Variants in ZNF34 observed in about 807,000 individuals in gnomAD.
The protein encoded by ZNF34 is zinc finger protein 34, also known as zinc finger protein 34 (KOX 32).
A neutral mutation model predicts 14.4 loss-of-function variants in ZNF34; 8 were observed. The observed-to-expected ratio is 0.55, with a 90% CI of 0.33 to 1.00. ZNF34 has a LOEUF of 1.00. Ranked by LOEUF, ZNF34 falls within the 50% of genes least tolerant of loss-of-function variation. The pLI is 0.03. For synonymous variants in ZNF34, 235 were observed against 247.9 expected, an observed-to-expected ratio of 0.95 and a Z score of 0.49; for missense variants, 538 against 674.2, an observed-to-expected ratio of 0.80 and a Z score of 2.24.
chr8:144,783,190 A>G (rs1826008532), intron 1 of ZNF34, among the ~76,000 whole-genome samples: 3 of 152,134 alleles, frequency 2.0e-5, no homozygotes, highest in Admixed American at 2.0e-4. Flanking sequence ...CTGAGGTGGG[A>G]GGATCACTTG....
chr8:144,773,694 A>G lies in ZNF34; in HGVS notation c.1192T>C (p.Tyr398His), dbSNP rs757184783. ...HQRIHTGEKPYKCNECEKAFI... is the reference protein window; with the variant it reads ...HQRIHTGEKPHKCNECEKAFI... ...GCTTTCTCACATTCATTACATTTAT[A>G]GGGTTTCTCTCCAGTGTGAATTCTC... The change falls in exon 6 of 6, where the codon TAT (tyrosine) becomes CAT (histidine). Residue 398 changes from tyrosine (Y) to histidine (H), a missense_variant. This residue lies in a region of ZNF34 where 431 missense variants were observed against 525.7 expected (regional missense o/e 0.82). Transcript: ENST00000429371. This position sits in a 1 kb window ranked among gnomAD's most constrained non-coding sequence, Gnocchi z 5.4. 1.2e-6 allele frequency: 2 copies of G among 1,613,824 alleles called. No individual in the cohort carries two copies. The highest frequency in any genetic ancestry group is 1.7e-6 in the Non-Finnish European group (2 of 1,179,946).
Position 144,780,268 on chromosome 8 carries a change from G to C in ZNF34, c.-95C>G. On this transcript the variant is annotated 5_prime_UTR_variant, in exon 2 of 6. Coordinates refer to ENST00000429371, the MANE Select transcript of ZNF34 (RefSeq NM_001286769.2). ...GACTCTCGGATTAGATACATGTGAT[G>C]CAACTATTTGGCCTAAAATAAAATA... 1 of 1,549,958 alleles carries C rather than the reference G, an allele frequency of 6.5e-7. No individual in the cohort carries two copies. Among genetic ancestry groups the C allele is most frequent in the Non-Finnish European group, 8.7e-7 (1 of 1,145,678 alleles).
Position 144,774,154 on chromosome 8 carries a change from G to A in ZNF34, c.732C>T (p.Asn244=), listed in dbSNP as rs761839299. Reference sequence around the variant, plus strand: ...TGTGAAGCCGCTGATGCTTGACAAGGTTGGCACTGTACCTGAATGTTTTCC... The same window carrying A: ...TGTGAAGCCGCTGATGCTTGACAAGATTGGCACTGTACCTGAATGTTTTCC... The part of the protein sequence containing the change: ...YCGKTFRYSA[N]LVKHQRLHTE... The change falls in exon 6 of 6, where the codon AAC becomes AAT. Residue 244 remains asparagine (N), a synonymous_variant. Coordinates refer to ENST00000429371, the MANE Select transcript of ZNF34 (RefSeq NM_001286769.2). 1 of 1,614,018 alleles carries A rather than the reference G, an allele frequency of 6.2e-7. No homozygotes were observed. The highest frequency in any genetic ancestry group is 8.5e-7 in the Non-Finnish European group (1 of 1,179,922).
rs1181288655 is a variant in ZNF34 at position 144,774,466 on chromosome 8, C to T, written c.420G>A (p.Gln140=). 6.2e-7 allele frequency: 1 copy of T among 1,613,894 alleles called. No homozygotes were observed. Among genetic ancestry groups the T allele is most frequent in the African/African-American group, 1.3e-5 (1 of 74,932 alleles). The change falls in exon 6 of 6, where the codon CAG becomes CAA. Residue 140 remains glutamine, a synonymous_variant. Transcript: ENST00000429371. ...TCAGTGTGACTGCCCTGGGGCCTCTCTGCTCCACTAGCTTTTCCAGGCTCC... is the reference window on the plus strand; with the variant it reads ...TCAGTGTGACTGCCCTGGGGCCTCTTTGCTCCACTAGCTTTTCCAGGCTCC... The part of the protein sequence containing the change: ...SEGSLEKLVE[Q]RGPRAVTLTN...
intron 1 of ZNF34, among the ~76,000 whole-genome samples, chr8:144,785,106 CAAAA>C (rs749277788): frequency 8.0e-5 from 4 of 50,072 alleles, no homozygotes; most frequent in Non-Finnish European, 1.2e-4. Context: ...CAGACCCTGC[CAAAA>C]AAAAAAAAAA....
chr8:144,777,345 T>G lies in ZNF34; in HGVS notation c.280+113A>C, dbSNP rs1825584767. ...GCAAAGGCCACTGTCAGGCCTCCTG[T>G]GCTAGCCCCGATGAATCTGGCCCAC... On this transcript the variant is annotated intron_variant, in intron 5 of 5. Transcript: ENST00000429371. The surrounding 1 kb of genome is among the most constrained non-coding windows in gnomAD (Gnocchi z 4.8). 1.4e-6 allele frequency: 2 copies of G among 1,417,002 alleles called. No individual in the cohort carries two copies. Among genetic ancestry groups the G allele is most frequent in the Admixed American group, 4.5e-5 (2 of 44,682 alleles). 87.8% of individuals were successfully genotyped at this position (1,417,002 alleles called of 1,614,324 possible).
In ZNF34 at chr8:144,779,585, T is replaced by G. The variant is rs1048320299; in HGVS notation, c.-55+643A>C. On this transcript the variant is annotated intron_variant, in intron 2 of 5. Transcript: ENST00000429371. The surrounding 1 kb of genome is among the most constrained non-coding windows in gnomAD (Gnocchi z 4.1). ...CCCCATGGCCTGGTGTTGGGTCTGA[T>G]CACCCCAACAATCACACCTGGCTAA... 2.0e-5 allele frequency among the ~76,000 whole-genome samples: 3 copies of G among 152,150 alleles called. No homozygotes were observed. The highest frequency in any genetic ancestry group is 7.2e-5 in the African/African-American group (3 of 41,450).
chr8:144,779,797 G>A lies in ZNF34; in HGVS notation c.-55+431C>T, dbSNP rs113842984. Among the ~76,000 whole-genome samples the A allele has an allele frequency of 0.071, 10,744 of 152,120 alleles. 1,281 individuals are homozygous for A. The highest frequency in any genetic ancestry group is 0.25 in the African/African-American group (10,219 of 41,424). On this transcript the variant is annotated intron_variant, in intron 2 of 5. Transcript: ENST00000429371. The surrounding 1 kb of genome is among the most constrained non-coding windows in gnomAD (Gnocchi z 4.1). ...TCTATCCCCCTCCCTGCTCTGGCAT[G>A]CTAAGCTGTCTCATTCAGGAGGAAA...
chr8:144,778,698 G>A (rs1228602396), intron 2 of ZNF34, among the ~76,000 whole-genome samples, 173 bp from the exon 3 acceptor site: 2 of 151,842 alleles, frequency 1.3e-5, no homozygotes, highest in South Asian at 2.1e-4. Flanking sequence ...CTTTGCCTGG[G>A]GCTGCCCTCT....
chr8:144,776,394 G>A (rs2130227928), intron 5 of ZNF34, among the ~76,000 whole-genome samples: 2 of 151,142 alleles, frequency 1.3e-5, no homozygotes, highest in Middle Eastern at 6.8e-3. Flanking sequence ...GAGCCCAGGG[G>A]TTTGAGACCA....
At position 144,772,693 on chromosome 8, in the gene ZNF34, C is replaced by T. The variant is rs554233610; in HGVS notation, c.*573G>A. 2.3e-4 allele frequency among the ~76,000 whole-genome samples: 35 copies of T among 152,168 alleles called. No homozygotes were observed. The highest frequency in any genetic ancestry group is 4.8e-4 in the African/African-American group (20 of 41,428). Reference sequence around the variant, plus strand: ...TAGCTGGGATTACAGGCACCCACCACCACACCTGGCTAATTTTTGTATTTT... The same window carrying T: ...TAGCTGGGATTACAGGCACCCACCATCACACCTGGCTAATTTTTGTATTTT... On this transcript the variant is annotated 3_prime_UTR_variant, in exon 6 of 6. Coordinates refer to ENST00000429371, the MANE Select transcript of ZNF34 (RefSeq NM_001286769.2).
chr8:144,773,273 G>A lies in ZNF34; in HGVS notation c.1613C>T (p.Ser538Phe), dbSNP rs940040725. The change falls in exon 6 of 6, where the codon TCC becomes TTC. Residue 538 changes from serine to phenylalanine, a missense_variant. Ser to Phe is a radical substitution (Grantham distance 155, BLOSUM62 -2). Transcript: ENST00000429371. The surrounding 1 kb of genome is among the most constrained non-coding windows in gnomAD (Gnocchi z 5.4). ...TCGGACACCGCGCCACTGTTACATGGAGAAGTCCTCCCGGAGGTGAATCCG... is the reference window on the plus strand; with the variant it reads ...TCGGACACCGCGCCACTGTTACATGAAGAAGTCCTCCCGGAGGTGAATCCG... ...HQRIHLREDF[S>F]M The A allele has an allele frequency of 6.2e-7, 1 of 1,604,796 alleles. No homozygotes were observed. Among genetic ancestry groups the A allele is most frequent in the Non-Finnish European group, 8.5e-7 (1 of 1,173,264 alleles).
chr8:144,784,109 G>T (rs1473925686), intron 1 of ZNF34, among the ~76,000 whole-genome samples: 1 of 148,070 alleles, frequency 6.8e-6, no homozygotes, highest in Non-Finnish European at 1.5e-5. Context: ...ACAGTGAGCC[G>T]AGATCACACC....
At position 144,772,660 on chromosome 8, in the gene ZNF34, C is replaced by T. The variant is rs1314730246; in HGVS notation, c.*606G>A. Among the ~76,000 whole-genome samples the T allele has an allele frequency of 6.6e-6, 1 of 152,232 alleles. No individual in the cohort carries two copies. The highest frequency in any genetic ancestry group is 1.9e-4 in the East Asian group (1 of 5,198). ...GTTCAAGCAATGCTCCTGCCTCAGC[C>T]TCCCGAGTAGCTGGGATTACAGGCA... On this transcript the variant is annotated 3_prime_UTR_variant, in exon 6 of 6. Transcript: ENST00000429371.
At chr8:144,786,983 G>A (rs1156639039) in intron 1 of ZNF34, among the ~76,000 whole-genome samples, 2 of 152,182 alleles carry the variant, frequency 1.3e-5, no homozygotes, top group African/African-American at 4.8e-5. Context: ...CGCAGAAGCC[G>A]CTCTGTGCGG....
Position 144,778,175 on chromosome 8 carries a change from A to G in ZNF34, c.34-11T>C. 1 of 1,609,014 alleles carries G rather than the reference A, an allele frequency of 6.2e-7. No homozygotes were observed. The highest frequency in any genetic ancestry group is 1.7e-5 in the Admixed American group (1 of 59,676). Reference sequence around the variant, plus strand: ...GAAGGTCACCTCGGCCTGGAATGACAGGGACTACTGCAGCCCAGGTGTGGT... The same window carrying G: ...GAAGGTCACCTCGGCCTGGAATGACGGGGACTACTGCAGCCCAGGTGTGGT... On this transcript the variant is annotated splice_polypyrimidine_tract_variant and intron_variant, in intron 3 of 5. Transcript: ENST00000429371.
chr8:144,784,282 G>A (rs1021000087), intron 1 of ZNF34, among the ~76,000 whole-genome samples: 2 of 151,330 alleles, frequency 1.3e-5, no homozygotes, highest in Non-Finnish European at 2.9e-5. Context: ...TTTAAGTATA[G>A]GAAAAAAGAT....
Position 144,774,473 on chromosome 8 carries a change from A to G in ZNF34, c.413T>C (p.Val138Ala), listed in dbSNP as rs1211821696. The G allele has an allele frequency of 6.2e-7, 1 of 1,613,910 alleles. No individual in the cohort carries two copies. Residue 138 changes from valine (V) to alanine (A), a missense_variant, in exon 6 of 6, where the codon GTG becomes GCG. Val to Ala is a moderately conservative substitution (Grantham distance 64, BLOSUM62 0). This residue lies in a region of ZNF34 where 431 missense variants were observed against 525.7 expected (regional missense o/e 0.82). Transcript: ENST00000429371. ...GACTGCCCTGGGGCCTCTCTGCTCC[A>G]CTAGCTTTTCCAGGCTCCCCTCTGA... is the stretch of plus-strand genomic sequence containing the variant. ...SKSEGSLEKL[V>A]EQRGPRAVTL...
chr8:144,779,589 C>T lies in ZNF34; in HGVS notation c.-55+639G>A, dbSNP rs755229985. On this transcript the variant is annotated intron_variant, in intron 2 of 5. Transcript: ENST00000429371. This position sits in a 1 kb window ranked among gnomAD's most constrained non-coding sequence, Gnocchi z 4.1. The stretch of plus-strand genomic sequence containing the variant: ...ATGGCCTGGTGTTGGGTCTGATCAC[C>T]CCAACAATCACACCTGGCTAATTTT... Among the ~76,000 whole-genome samples, 2 of 152,074 alleles carry T rather than the reference C, an allele frequency of 1.3e-5. No homozygotes were observed. Among genetic ancestry groups the T allele is most frequent in the Non-Finnish European group, 2.9e-5 (2 of 68,006 alleles).
Sources: allele counts gnomAD v4.1 joint callset (sites outside exome capture counted in the v4.1 genomes callset), GRCh38; gene constraint gnomAD v4.1.1; regional missense constraint gnomAD v4.1.1; non-coding constraint Gnocchi (gnomAD v3.1); transcripts MANE v1.5; gene names NCBI Gene and HGNC (gene_info 2026-07-23, HGNC 2026-07-21).